Variants in ATP11B observed in about 807,000 individuals in gnomAD.
The protein encoded by ATP11B is phospholipid-transporting ATPase IF.
In ATP11B, 81 loss-of-function variants were observed where a neutral mutation model predicts 157.8. The ratio of observed to expected loss-of-function variants is 0.51; its 90% CI spans 0.43 to 0.62. The LOEUF is 0.62. ATP11B is among the 20% of genes least tolerant of loss of function. The pLI is 0.00. For synonymous variants in ATP11B, 451 were observed against 469.4 expected (o/e 0.96, Z 0.51); for missense variants, 1,165 against 1,402.2 (o/e 0.83, Z 2.70).
chr3:182,868,816 G>T (rs1054081720), intron 15 of ATP11B, among the ~76,000 whole-genome samples: 3 of 152,074 alleles, frequency 2.0e-5, no homozygotes, highest in Non-Finnish European at 4.4e-5. Context: ...AATGAGATAA[G>T]ACCTACTTTC....
In ATP11B at chr3:182,880,866, TTA is replaced by T; in HGVS notation, c.2407-11_2407-10del. ...ACTTGCGTCATAAATAACCAATTCATTATGTCTTTCAGGTAATAAGACTAATA... is the reference window on the plus strand; with the variant it reads ...ACTTGCGTCATAAATAACCAATTCATTGTCTTTCAGGTAATAAGACTAATA... On this transcript the variant is annotated splice_polypyrimidine_tract_variant and intron_variant, in intron 20 of 29. Transcript: ENST00000323116. 6.6e-7 allele frequency: 1 copy of T among 1,526,296 alleles called. No homozygotes were observed. The highest frequency in any genetic ancestry group is 8.8e-7 in the Non-Finnish European group (1 of 1,130,334). 94.5% of individuals were successfully genotyped at this position (1,526,296 alleles called of 1,614,324 possible).
intron 4 of ATP11B, among the ~76,000 whole-genome samples, chr3:182,832,155 A>C (rs936933685): frequency 6.6e-6 from 1 of 152,190 alleles, no homozygotes; most frequent in Non-Finnish European, 1.5e-5. Context: ...ATATAATCAT[A>C]ATAATAATTG....
At chr3:182,802,026 A>G (rs577268024) in intron 1 of ATP11B, among the ~76,000 whole-genome samples, 23 of 152,340 alleles carry the variant, frequency 1.5e-4, no homozygotes, top group African/African-American at 5.3e-4. Context: ...TCAAAACATC[A>G]TGTTGTGCAC....
intron 2 of ATP11B, among the ~76,000 whole-genome samples, chr3:182,826,116 T>C (rs1303984820): frequency 6.6e-6 from 1 of 152,240 alleles, no homozygotes; most frequent in African/African-American, 2.4e-5. Flanking sequence ...TTTGATATTA[T>C]GCTACTAGAG....
rs1217941203 is a variant in ATP11B, at chr3:182,819,397, A to G, written c.28-863A>G. 5.9e-5 allele frequency among the ~76,000 whole-genome samples: 9 copies of G among 152,116 alleles called. No individual in the cohort carries two copies. The East Asian group carries it at 9.6e-4, about 16-fold the overall frequency. ...CTTTTTTCTAATATTTCAAAACCCT[A>G]GACAATATGCCGAATGTTAAAGTGT... On this transcript the variant is annotated intron_variant, in intron 1 of 29. Transcript: ENST00000323116.
chr3:182,877,568 G>T (rs1005046977), intron 19 of ATP11B, among the ~76,000 whole-genome samples: 6 of 152,148 alleles, frequency 3.9e-5, no homozygotes, highest in Admixed American at 6.5e-5. Flanking sequence ...ATTGAATCAG[G>T]GAGGTTAAGG....
At chr3:182,808,893 C>T (rs1376771769) in intron 1 of ATP11B, among the ~76,000 whole-genome samples, 2 of 152,184 alleles carry the variant, frequency 1.3e-5, no homozygotes, top group South Asian at 4.2e-4. Context: ...TATTTAACTG[C>T]ATACTTTATT....
intron 1 of ATP11B, among the ~76,000 whole-genome samples, chr3:182,802,453 T>C (rs1716075203): frequency 6.6e-6 from 1 of 152,078 alleles, no homozygotes; most frequent in Non-Finnish European, 1.5e-5. Flanking sequence ...CCAATCCATT[T>C]CTCATCCTCC....
intron 20 of ATP11B, 82 bp downstream of exon 20, chr3:182,879,731 C>A: frequency 7.7e-7 from 1 of 1,293,354 alleles, no homozygotes; most frequent in South Asian, 1.8e-5. Context: ...TTACATAGTT[C>A]CATTTGGTGA....
chr3:182,869,510 C>G (rs73050695), intron 17 of ATP11B, among the ~76,000 whole-genome samples, 179 bp downstream of exon 17: 20,449 of 152,254 alleles, frequency 0.13, 1,642 homozygotes, highest in African/African-American at 0.23. Flanking sequence ...AATATATCTT[C>G]TCTTCAAACC....
chr3:182,801,139 A>T (rs1010799172), intron 1 of ATP11B, among the ~76,000 whole-genome samples: 1 of 152,150 alleles, frequency 6.6e-6, no homozygotes, highest in Non-Finnish European at 1.5e-5. Context: ...TATCCTCCTT[A>T]ACATTAAGTT....
At chr3:182,799,823 A>G (rs1286607681) in intron 1 of ATP11B, among the ~76,000 whole-genome samples, 1 of 152,100 alleles carries the variant, frequency 6.6e-6, no homozygotes, top group African/African-American at 2.4e-5. Flanking sequence ...GTATAAGAAA[A>G]ACATTCTAGG....
At chr3:182,858,735 C>T (rs950576091) in intron 11 of ATP11B, among the ~76,000 whole-genome samples, 2 of 152,134 alleles carry the variant, frequency 1.3e-5, no homozygotes, top group African/African-American at 4.8e-5. Context: ...ATTTCTGGCA[C>T]TTTTAACCTC....
At chr3:182,821,103 G>T (rs937795468) in intron 2 of ATP11B, among the ~76,000 whole-genome samples, 2 of 151,708 alleles carry the variant, frequency 1.3e-5, no homozygotes, top group African/African-American at 2.4e-5. Flanking sequence ...GATTTTTGGG[G>T]TTTTTTTTGT....
intron 21 of ATP11B, among the ~76,000 whole-genome samples, chr3:182,883,361 G>A (rs1247872245): frequency 1.3e-5 from 2 of 151,694 alleles, no homozygotes; most frequent in Non-Finnish European, 2.9e-5. Flanking sequence ...GGGTTCAAGC[G>A]ATTCTCCTAC....
At chr3:182,839,629 A>T (rs1032653929) in intron 7 of ATP11B, among the ~76,000 whole-genome samples, 23 of 28,864 alleles carry the variant, frequency 8.0e-4, no homozygotes, top group Non-Finnish European at 2.1e-3. Flanking sequence ...TTTATTTTTG[A>T]AACAGTGTCT....
chr3:182,915,269 A>G (rs1725064543), intron 29 of ATP11B: 7 of 985,210 alleles, frequency 7.1e-6, no homozygotes, highest in Admixed American at 1.2e-4. Flanking sequence ...TGTGGTTTCA[A>G]TCCCCGTTTA....
intron 1 of ATP11B, among the ~76,000 whole-genome samples, chr3:182,815,645 T>C (rs572435761): frequency 8.9e-4 from 135 of 152,310 alleles, no homozygotes; most frequent in African/African-American, 3.2e-3. Context: ...TTTGTTGTTT[T>C]GAGGTCTTTT....
chr3:182,821,646 C>G (rs1318782170), intron 2 of ATP11B, among the ~76,000 whole-genome samples: 1 of 152,112 alleles, frequency 6.6e-6, no homozygotes, highest in Non-Finnish European at 1.5e-5. Flanking sequence ...ATATGATGGC[C>G]AATAAATTAT....
Sources: gnomAD v4.1 joint callset for allele counts (sites outside exome capture counted in the v4.1 genomes callset) on GRCh38, gnomAD v4.1.1 for gene constraint, MANE v1.5 for transcripts, NCBI Gene and HGNC (gene_info 2026-07-23, HGNC 2026-07-21) for gene names.